Variants in MYLK3 observed in about 807,000 individuals in gnomAD.
MYLK3 encodes MLC kinase.
MYLK3 carries 55 observed loss-of-function variants against 76.3 expected under a neutral mutation model. That is an observed-to-expected ratio of 0.72 (90% CI 0.58 to 0.90). The LOEUF (loss-of-function observed/expected upper bound fraction) is 0.90. MYLK3 is among the 40% of genes least tolerant of loss of function. The pLI is 0.00. For synonymous variants in MYLK3, 416 were observed against 425.4 expected (o/e 0.98, Z 0.27); for missense variants, 973 against 1,053.6 (o/e 0.92, Z 1.06).
intron 8 of MYLK3, chr16:46,725,940 C>A (rs766745141): frequency 6.0e-5 from 9 of 151,146 alleles, no homozygotes; most frequent in Non-Finnish European, 8.9e-5. Flanking sequence ...CCAATGTTAT[C>A]TTCTACAATT....
chr16:46,734,792 GATCTGTCTCAC>G (rs1966860733), intron 3 of MYLK3, among the ~76,000 whole-genome samples: 1 of 152,150 alleles, frequency 6.6e-6, no homozygotes, highest in Admixed American at 6.6e-5. Context: ...ACGTCCTGGA[GATCTGTCTCAC>G]AACAACGTGA....
chr16:46,740,049 C>A lies in MYLK3; in HGVS notation c.568+8G>T, dbSNP rs1401496132. 1.2e-6 allele frequency: 2 copies of A among 1,606,128 alleles called. No individual in the cohort carries two copies. The highest frequency in any genetic ancestry group is 1.7e-6 in the Non-Finnish European group (2 of 1,174,428). On this transcript the variant is annotated splice_region_variant and intron_variant, in intron 2 of 12. Coordinates refer to ENST00000394809, the MANE Select transcript of MYLK3 (RefSeq NM_182493.3). ...AATGTTAGATAAAGCAAATGGGGTC[C>A]CACTCACCTTCCCCAGGCTCCCTGG...
intron 7 of MYLK3, among the ~76,000 whole-genome samples, chr16:46,728,221 G>A (rs967121504): frequency 6.6e-6 from 1 of 152,204 alleles, no homozygotes; most frequent in Non-Finnish European, 1.5e-5. Flanking sequence ...CCAGCACTGG[G>A]GCGGTTGGGA....
chr16:46,733,501 G>A (rs994514038), intron 3 of MYLK3, among the ~76,000 whole-genome samples: 5 of 152,146 alleles, frequency 3.3e-5, no homozygotes, highest in South Asian at 2.1e-4. Flanking sequence ...CAGGCCCTGC[G>A]CACCCTGGCA....
chr16:46,730,546 C>T lies in MYLK3; in HGVS notation c.1568+47G>A, dbSNP rs375341570. 3.1e-5 allele frequency: 47 copies of T among 1,531,612 alleles called. 1 individual carries two copies. In the African/African-American group the frequency reaches 3.1e-4, roughly 10 times the overall value. The allele number at this position is 1,531,612 out of a possible 1,614,324, so 94.9% of individuals were successfully genotyped here. A position where few individuals can be genotyped will look rare whatever the true frequency, so the allele number is the denominator to read the frequency against. ...TCTCCAGGTGGTCCCGACCCTGCCCCGTGACTCCTGCTCTAAGCCCCCCAA... is the reference window on the plus strand; with the variant it reads ...TCTCCAGGTGGTCCCGACCCTGCCCTGTGACTCCTGCTCTAAGCCCCCCAA... On this transcript the variant is annotated intron_variant, in intron 5 of 12. Coordinates refer to ENST00000394809, the MANE Select transcript of MYLK3 (RefSeq NM_182493.3).
At chr16:46,737,306 A>G (rs1260905166) in intron 3 of MYLK3, among the ~76,000 whole-genome samples, 2 of 152,206 alleles carry the variant, frequency 1.3e-5, no homozygotes, top group African/African-American at 4.8e-5. Context: ...ACCCGGTGAA[A>G]TGCCCAGCCA....
rs1966615905 is a variant in MYLK3, at chr16:46,705,572, G to T, written c.*2132C>A. 1 of 152,012 alleles carries T rather than the reference G, an allele frequency of 6.6e-6. No homozygotes were observed. The highest frequency in any genetic ancestry group is 6.6e-5 in the Admixed American group (1 of 15,240). 9.4% of individuals were successfully genotyped at this position (152,012 alleles called of 1,614,324 possible). A position where few individuals can be genotyped will look rare whatever the true frequency, so the allele number is the denominator to read the frequency against. On this transcript the variant is annotated 3_prime_UTR_variant, in exon 13 of 13. Coordinates refer to ENST00000394809, the MANE Select transcript of MYLK3 (RefSeq NM_182493.3). Reference sequence around the variant, plus strand: ...GCTGCTCACCTGAGGAAAAAAATGGGAATAGCACAAAAATCATGTAGAAGT... The same window carrying T: ...GCTGCTCACCTGAGGAAAAAAATGGTAATAGCACAAAAATCATGTAGAAGT...
intron 3 of MYLK3, among the ~76,000 whole-genome samples, chr16:46,736,987 G>A (rs930191415): frequency 2.6e-5 from 4 of 152,240 alleles, no homozygotes; most frequent in Non-Finnish European, 5.9e-5. Context: ...TCCACCTCCA[G>A]GACTTCTGCG....
chr16:46,735,014 G>A (rs141486488), intron 3 of MYLK3, among the ~76,000 whole-genome samples: 42 of 151,900 alleles, frequency 2.8e-4, no homozygotes, highest in Non-Finnish European at 5.9e-4. Context: ...GGTGGCACAT[G>A]CTTGTAATCC....
chr16:46,736,485 T>C (rs116624273), intron 3 of MYLK3, among the ~76,000 whole-genome samples: 1 of 152,220 alleles, frequency 6.6e-6, no homozygotes, highest in African/African-American at 2.4e-5. Flanking sequence ...GAAACTGAGA[T>C]AGAGAACTTT....
chr16:46,720,841 G>C (rs545779551), intron 9 of MYLK3, among the ~76,000 whole-genome samples: 1 of 152,288 alleles, frequency 6.6e-6, no homozygotes, highest in African/African-American at 2.4e-5. Context: ...ACCTCGCTCA[G>C]CAGCCCCCTT....
Position 46,737,897 on chromosome 16 carries a change from T to C in MYLK3, c.815A>G (p.Asn272Ser). Residue 272 changes from asparagine (N) to serine (S), a missense_variant, in exon 3 of 13, where the codon AAT (asparagine) becomes AGT (serine). By Grantham distance (46) the Asn-to-Ser change is conservative. Coordinates refer to ENST00000394809, the MANE Select transcript of MYLK3 (RefSeq NM_182493.3). ...AACCTCCAGGCTCGGGGAGACCACA[T>C]TGACCCTGCCGGGTGCTGGAGCCAA... is the stretch of plus-strand genomic sequence containing the variant. ...LELAPAPGRVNVVSPSLEVAP... is the reference protein window; with the variant it reads ...LELAPAPGRVSVVSPSLEVAP... 1.9e-6 allele frequency: 3 copies of C among 1,614,186 alleles called. No homozygotes were observed. The highest frequency in any genetic ancestry group is 1.1e-5 in the South Asian group (1 of 91,082).
intron 9 of MYLK3, among the ~76,000 whole-genome samples, chr16:46,713,546 C>A (rs1156433428): frequency 6.6e-6 from 1 of 152,134 alleles, no homozygotes; most frequent in Non-Finnish European, 1.5e-5. Context: ...ATGGCTAAGT[C>A]AAGCTAATTA....
chr16:46,726,731 AAGAAAAG>A (rs1966843019), intron 8 of MYLK3: 1 of 149,704 alleles, frequency 6.7e-6, no homozygotes, highest in Non-Finnish European at 1.5e-5. Flanking sequence ...GAAAGAAAGA[AAGAAAAG>A]AAAGAGAGAG....
At chr16:46,751,641 A>C (rs1001223926), upstream of MYLK3, among the ~76,000 whole-genome samples, 1 of 152,140 alleles carries the variant, frequency 6.6e-6, no homozygotes, top group African/African-American at 2.4e-5. Context: ...GGCTGAGCAG[A>C]CCGTCCTGAG....
rs1202482553 is a variant in MYLK3 at position 46,704,407 on chromosome 16, A to G, written c.*3297T>C. 2.0e-5 allele frequency: 3 copies of G among 152,132 alleles called. No individual in the cohort carries two copies. In the East Asian group the frequency reaches 5.8e-4, roughly 29 times the overall value. The allele number at this position is 152,132 out of a possible 1,614,324, so 9.4% of individuals were successfully genotyped here. ...ACATGTGTTTTTAAGTGTAAAATAT[A>G]CCAGATTTTTGAGACTTAGTATGAG... On this transcript the variant is annotated 3_prime_UTR_variant, in exon 13 of 13. Coordinates refer to ENST00000394809, the MANE Select transcript of MYLK3 (RefSeq NM_182493.3).
In MYLK3 at chr16:46,707,739, C is replaced by T. The variant is rs769993017; in HGVS notation, c.2425G>A (p.Ala809Thr). The T allele has an allele frequency of 7.4e-6, 12 of 1,612,768 alleles. No individual in the cohort carries two copies. In the East Asian group the frequency reaches 2.7e-4, roughly 36 times the overall value. The change falls in exon 13 of 13, where the codon GCC becomes ACC. Residue 809 changes from alanine (A) to threonine (T), a missense_variant. Physicochemically the swap from Ala to Thr is moderately conservative, Grantham distance 58. This residue lies in a region of MYLK3 where 332 missense variants were observed against 416.6 expected (regional missense o/e 0.80). Coordinates refer to ENST00000394809, the MANE Select transcript of MYLK3 (RefSeq NM_182493.3). The stretch of plus-strand genomic sequence containing the variant: ...GTTGGAAATTTCCTTAACCTGTTGG[C>T]AGCAGTCACCACATAGAAATGTTTC... The part of the protein sequence containing the change: ...WKKHFYVVTA[A>T]NRLRKFPTSP
At chr16:46,730,821 G>A in intron 4 of MYLK3, 123 bp from the exon 5 acceptor site, 1 of 774,088 alleles carries the variant, frequency 1.3e-6, no homozygotes. Flanking sequence ...CCTGGTATTT[G>A]AAACCTTTTC....
At chr16:46,739,444 G>A (rs1438491253) in intron 2 of MYLK3, among the ~76,000 whole-genome samples, 1 of 152,062 alleles carries the variant, frequency 6.6e-6, no homozygotes, top group East Asian at 1.9e-4. Context: ...GCACAGAAAG[G>A]TACTACAGTT....
Sources: allele counts gnomAD v4.1 joint callset (sites outside exome capture counted in the v4.1 genomes callset), GRCh38; gene constraint gnomAD v4.1.1; regional missense constraint gnomAD v4.1.1; transcripts MANE v1.5; gene names NCBI Gene and HGNC (gene_info 2026-07-23, HGNC 2026-07-21).